Variants in ATCAY observed in about 807,000 individuals in gnomAD.
The protein encoded by ATCAY is ATCAY kinesin light chain interacting caytaxin, also known as caytaxin.
ATCAY carries 22 observed loss-of-function variants against 47.7 expected under a neutral mutation model. The observed-to-expected ratio is 0.46, with a 90% CI of 0.33 to 0.66. The LOEUF is 0.66. Ranked by LOEUF, ATCAY falls within the 30% of genes least tolerant of loss-of-function variation. The probability of loss-of-function intolerance (pLI) is 0.02; values close to 1 mark genes in which losing one functional copy is unlikely to be tolerated. For synonymous variants in ATCAY, 216 were observed against 207.6 expected (o/e 1.04, Z -0.35); for missense variants, 452 against 515.0 (o/e 0.88, Z 1.18).
intron 2 of ATCAY, among the ~76,000 whole-genome samples, chr19:3,890,040 G>T (rs1599277462): frequency 6.6e-6 from 1 of 151,302 alleles, no homozygotes; most frequent in Non-Finnish European, 1.5e-5. Flanking sequence ...CACCTCCTGG[G>T]TTCAAGTGAT....
At chr19:3,903,957 T>C (rs1599286460) in intron 3 of ATCAY, among the ~76,000 whole-genome samples, 1 of 131,856 alleles carries the variant, frequency 7.6e-6, no homozygotes, top group Admixed American at 8.8e-5. Flanking sequence ...GCCAACATGG[T>C]GAAGCCCCGT....
intron 6 of ATCAY, 82 bp downstream of exon 6, chr19:3,908,452 C>A: frequency 7.7e-7 from 1 of 1,290,322 alleles, no homozygotes; most frequent in Non-Finnish European, 1.1e-6. Flanking sequence ...GCAAGGATTG[C>A]ATTGTGGCCC....
At chr19:3,922,068 C>T (rs2145268244) in intron 12 of ATCAY, 1 of 680,878 alleles carries the variant, frequency 1.5e-6, no homozygotes. Context: ...GTGCTGCCAA[C>T]TAGAGAAGCT....
In ATCAY at chr19:3,908,331, GC is replaced by G; in HGVS notation, c.610del (p.Leu204SerfsTer19). The part of the protein sequence containing the change: ...VFAACFLPDS[S>X]LPDYHYIMEN... ...GCAGCCTGCTTCCTTCCAGACAGCA[GC>G]CTCCCCGACTACCACTACATCATGG... is the stretch of plus-strand genomic sequence containing the variant. On this transcript the variant is annotated frameshift_variant, in exon 6 of 13. Coordinates refer to ENST00000450849, the MANE Select transcript of ATCAY (RefSeq NM_033064.5). LOFTEE classifies it high-confidence loss of function. 1.3e-6 allele frequency: 2 copies of G among 1,594,582 alleles called. No individual in the cohort carries two copies. Among genetic ancestry groups the G allele is most frequent in the Non-Finnish European group, 1.7e-6 (2 of 1,170,494 alleles).
intron 2 of ATCAY, among the ~76,000 whole-genome samples, chr19:3,888,437 C>T (rs922884872): frequency 7.9e-5 from 12 of 152,092 alleles, no homozygotes; most frequent in South Asian, 4.2e-4. Flanking sequence ...CGAGGCCAGC[C>T]TGGACAACAT....
At position 3,905,540 on chromosome 19, in the gene ATCAY, C is replaced by T. The variant is rs750718304; in HGVS notation, c.243C>T (p.Ser81=). 4.3e-6 allele frequency: 7 copies of T among 1,613,910 alleles called. No individual in the cohort carries two copies. The Admixed American group carries it at 5.0e-5, about 12-fold the overall frequency. Residue 81 remains serine (S), a synonymous_variant, in exon 4 of 13, where the codon TCC becomes TCT. Transcript: ENST00000450849. ...ATCAGAGTGAGGGGTCCCTGCTGTC[C>T]GATGACTTCTTGGATACCCCTGATG... The part of the protein sequence containing the change: ...SLDQSEGSLL[S]DDFLDTPDDL...
chr19:3,904,657 C>G (rs181560232), intron 3 of ATCAY, among the ~76,000 whole-genome samples: 1 of 152,072 alleles, frequency 6.6e-6, no homozygotes, highest in Non-Finnish European at 1.5e-5. Flanking sequence ...CACACACACA[C>G]ACGTCCTATT....
intron 2 of ATCAY, among the ~76,000 whole-genome samples, chr19:3,901,872 G>A (rs1268733730): frequency 1.3e-5 from 2 of 152,084 alleles, no homozygotes; most frequent in African/African-American, 2.4e-5. Context: ...GCGGGCACCT[G>A]TAGTCCCAGT....
At chr19:3,887,796 A>G (rs1339974355) in intron 2 of ATCAY, among the ~76,000 whole-genome samples, 2 of 146,540 alleles carry the variant, frequency 1.4e-5, no homozygotes. Context: ...ACCTGTCTCT[A>G]TTTAAAAAGA....
At chr19:3,888,064 G>A (rs969334394) in intron 2 of ATCAY, among the ~76,000 whole-genome samples, 45 of 151,162 alleles carry the variant, frequency 3.0e-4, no homozygotes, top group African/African-American at 8.8e-4. Flanking sequence ...GCAGTGAGCC[G>A]AGATGTGCCA....
At chr19:3,923,250 G>C (rs989417205) in intron 12 of ATCAY, among the ~76,000 whole-genome samples, 1 of 152,172 alleles carries the variant, frequency 6.6e-6, no homozygotes. Context: ...CACATATACA[G>C]ACAGAAAACA....
chr19:3,888,892 C>T (rs2038688605), intron 2 of ATCAY, among the ~76,000 whole-genome samples: 1 of 152,028 alleles, frequency 6.6e-6, no homozygotes, highest in African/African-American at 2.4e-5. Flanking sequence ...CTCCTGAATC[C>T]AGTCATTGCC....
At position 3,897,844 on chromosome 19, in the gene ATCAY, G is replaced by T. The variant is rs186099666; in HGVS notation, c.78-4643G>T. Among the ~76,000 whole-genome samples the T allele has an allele frequency of 3.9e-5, 6 of 152,204 alleles. No individual in the cohort carries two copies. The East Asian group carries it at 7.8e-4, about 20-fold the overall frequency. ...AATCGCCTAAACCCGGGAGATGGAG[G>T]TTGCAGTGAGCCAAGATTGTGCCAC... is the stretch of plus-strand genomic sequence containing the variant. On this transcript the variant is annotated intron_variant, in intron 2 of 12. Coordinates refer to ENST00000450849, the MANE Select transcript of ATCAY (RefSeq NM_033064.5).
intron 10 of ATCAY, among the ~76,000 whole-genome samples, chr19:3,918,357 C>T (rs569734527): frequency 4.1e-4 from 61 of 148,596 alleles, no homozygotes; most frequent in Non-Finnish European, 7.4e-4. Context: ...TGCACTCCAG[C>T]GTGGGTGACA....
At chr19:3,892,841 G>C (rs918656571) in intron 2 of ATCAY, among the ~76,000 whole-genome samples, 1 of 152,044 alleles carries the variant, frequency 6.6e-6, no homozygotes, top group African/African-American at 2.4e-5. Flanking sequence ...CCAGGAGGCA[G>C]AAGTTGCAAT....
intron 2 of ATCAY, among the ~76,000 whole-genome samples, chr19:3,898,394 C>A (rs138987448): frequency 2.1e-4 from 32 of 152,186 alleles, no homozygotes; most frequent in Non-Finnish European, 3.2e-4. Context: ...CATGTTGCCC[C>A]GACTGGTCTT....
At position 3,910,825 on chromosome 19, in the gene ATCAY, T is replaced by C. The variant is rs766102010; in HGVS notation, c.802T>C (p.Leu268=). The C allele has an allele frequency of 6.8e-6, 11 of 1,613,886 alleles. No individual in the cohort carries two copies. The highest frequency in any genetic ancestry group is 9.3e-6 in the Non-Finnish European group (11 of 1,179,888). ...DRRLRKNLKS[L]IIVHPSWFIR... ...CAGGTTGCGGAAAAACCTGAAGTCCTTGATCATCGTCCACCCCTCGTGGTT... is the reference window on the plus strand; with the variant it reads ...CAGGTTGCGGAAAAACCTGAAGTCCCTGATCATCGTCCACCCCTCGTGGTT... Residue 268 remains leucine (L), a synonymous_variant, in exon 8 of 13, where the codon TTG becomes CTG. Transcript: ENST00000450849.
chr19:3,899,928 G>C (rs1239132261), intron 2 of ATCAY, among the ~76,000 whole-genome samples: 1 of 152,102 alleles, frequency 6.6e-6, no homozygotes, highest in African/African-American at 2.4e-5. Context: ...CAGCATTTCT[G>C]TCTCAAAAAG....
chr19:3,915,339 A>AT lies in ATCAY; in HGVS notation c.965+1500dup, dbSNP rs55746542. ...AGGCATGAGCCGCCATGCCTGGCTA[A>AT]TTTTTTTTTTTTTTTTTGTATTTTT... On this transcript the variant is annotated intron_variant, in intron 9 of 12. Coordinates refer to ENST00000450849, the MANE Select transcript of ATCAY (RefSeq NM_033064.5). 7.0e-3 allele frequency among the ~76,000 whole-genome samples: 889 copies of AT among 127,214 alleles called. 14 individuals are homozygous for AT. Among genetic ancestry groups the AT allele is most frequent in the African/African-American group, 0.023 (802 of 35,180 alleles). 83.5% of individuals were successfully genotyped at this position (127,214 alleles called of 152,430 possible).
Sources: allele counts gnomAD v4.1 joint callset (sites outside exome capture counted in the v4.1 genomes callset), GRCh38; gene constraint gnomAD v4.1.1; transcripts MANE v1.5; gene names NCBI Gene and HGNC (gene_info 2026-07-23, HGNC 2026-07-21).